COL14A1: variants seen among roughly 807,000 people sequenced by gnomAD.
COL14A1 encodes the protein collagen type XIV alpha 1 chain.
COL14A1 carries 136 observed loss-of-function variants against 230.3 expected under a neutral mutation model. The observed-to-expected ratio is 0.59, with a 90% CI of 0.51 to 0.68. The LOEUF (loss-of-function observed/expected upper bound fraction) is 0.68. Ranked by LOEUF, COL14A1 falls within the 30% of genes least tolerant of loss-of-function variation. COL14A1 has a pLI of 0.00. For synonymous variants in COL14A1, 792 were observed against 784.1 expected, an observed-to-expected ratio of 1.01 and a Z score of -0.17; for missense variants, 1,976 against 2,215.8, an observed-to-expected ratio of 0.89 and a Z score of 2.17.
chr8:120,150,615 T>C (rs1815250079), intron 2 of COL14A1, among the ~76,000 whole-genome samples: 1 of 152,124 alleles, frequency 6.6e-6, no homozygotes, highest in South Asian at 2.1e-4. Flanking sequence ...TAAAAGCCAA[T>C]AGTTCTCTCT....
At chr8:120,320,069 G>A (rs1821385648) in intron 40 of COL14A1, among the ~76,000 whole-genome samples, 2 of 151,648 alleles carry the variant, frequency 1.3e-5, no homozygotes, top group Admixed American at 1.3e-4. Flanking sequence ...CCCCACCCTA[G>A]ACATCAGGGT....
intron 19 of COL14A1, among the ~76,000 whole-genome samples, chr8:120,239,940 A>T (rs1818563916): frequency 6.6e-6 from 1 of 151,844 alleles, no homozygotes; most frequent in Admixed American, 6.6e-5. Context: ...ATTTAATATC[A>T]TGCATGCACT....
intron 18 of COL14A1, among the ~76,000 whole-genome samples, chr8:120,229,720 T>C (rs1005044077): frequency 5.3e-5 from 8 of 152,166 alleles, no homozygotes; most frequent in Non-Finnish European, 1.0e-4. Flanking sequence ...TAGTTTACAG[T>C]CCCACCAACA....
chr8:120,151,075 A>G (rs577544313), intron 2 of COL14A1, among the ~76,000 whole-genome samples: 5 of 152,236 alleles, frequency 3.3e-5, no homozygotes, highest in African/African-American at 1.2e-4. Context: ...GAAATTTTCA[A>G]GAAGGAAGAT....
At chr8:120,295,438 G>T (rs933216243) in intron 34 of COL14A1, among the ~76,000 whole-genome samples, 1 of 151,738 alleles carries the variant, frequency 6.6e-6, no homozygotes, top group Non-Finnish European at 1.5e-5. Context: ...ACCCCATAGC[G>T]GCAATCTGAA....
At chr8:120,154,555 A>G (rs577174058) in intron 2 of COL14A1, among the ~76,000 whole-genome samples, 172 of 152,188 alleles carry the variant, frequency 1.1e-3, no homozygotes, top group African/African-American at 3.7e-3. Context: ...TGATGTTTAT[A>G]TATTCACAGA....
intron 42 of COL14A1, among the ~76,000 whole-genome samples, chr8:120,334,619 C>CACACAT (rs1554625006): frequency 2.0e-5 from 3 of 150,754 alleles, no homozygotes; most frequent in Non-Finnish European, 4.4e-5. Context: ...CACACACACA[C>CACACAT]CTGTCTTCAT....
chr8:120,299,215 G>T (rs1820632181), intron 35 of COL14A1, among the ~76,000 whole-genome samples: 1 of 152,036 alleles, frequency 6.6e-6, no homozygotes, highest in African/African-American at 2.4e-5. Context: ...AACTGTATCA[G>T]TAAGACTTAC....
At chr8:120,189,329 A>C (rs1039716229) in intron 5 of COL14A1, among the ~76,000 whole-genome samples, 1 of 152,170 alleles carries the variant, frequency 6.6e-6, no homozygotes, top group Non-Finnish European at 1.5e-5. Context: ...ACAAGAAAAA[A>C]TATTGTTTTT....
At chr8:120,332,095 C>CAT in intron 40 of COL14A1, 46 bp from the exon 41 acceptor site, 1 of 1,570,972 alleles carries the variant, frequency 6.4e-7, no homozygotes, top group East Asian at 2.2e-5. Flanking sequence ...TTCTGAAAGC[C>CAT]ATATAAAGCA....
chr8:120,270,165 T>C lies in COL14A1; in HGVS notation c.3204T>C (p.Asp1068=). The change falls in exon 26 of 48, where the codon GAT becomes GAC. Residue 1068 remains aspartate (D), a synonymous_variant. Coordinates refer to ENST00000297848, the MANE Select transcript of COL14A1 (RefSeq NM_021110.4). ...GAGCCCTGAACAAGATTGGCACAGA[T>C]GGAACCCAAGTAAGGCTAATAAATA... The part of the protein sequence containing the change: ...TVGALNKIGT[D]GTQVAMVQFT... 4 of 1,610,374 alleles carry C rather than the reference T, an allele frequency of 2.5e-6. No homozygotes were observed. Among genetic ancestry groups the C allele is most frequent in the Non-Finnish European group, 3.4e-6 (4 of 1,177,832 alleles).
chr8:120,251,235 G>C (rs1192380872), intron 22 of COL14A1, among the ~76,000 whole-genome samples: 1 of 152,180 alleles, frequency 6.6e-6, no homozygotes, highest in Non-Finnish European at 1.5e-5. Flanking sequence ...GTTGGCAGGC[G>C]GGATGTCAGT....
rs961592373 is a variant in COL14A1 at position 120,312,207 on chromosome 8, C to T, written c.4456-1725C>T. ...AAAATTGCCTCCTTGCTGCCTCCAT[C>T]GTATTTTTAAAAATCCAGCTCCCTC... On this transcript the variant is annotated intron_variant, in intron 37 of 47. Transcript: ENST00000297848. Among the ~76,000 whole-genome samples the T allele has an allele frequency of 2.6e-5, 4 of 152,084 alleles. No individual in the cohort carries two copies. In the East Asian group the frequency reaches 5.8e-4, roughly 22 times the overall value.
At chr8:120,332,860 A>G (rs1803579268) in intron 42 of COL14A1, 125 bp downstream of exon 42, 1 of 681,594 alleles carries the variant, frequency 1.5e-6, no homozygotes, top group Non-Finnish European at 2.4e-6. Context: ...ATGGAAATTC[A>G]TAAAGGAAAT....
rs1177563756 is a variant in COL14A1, at chr8:120,267,201, A to G, written c.3073+318A>G. Among the ~76,000 whole-genome samples the G allele has an allele frequency of 3.9e-5, 6 of 151,982 alleles. No individual in the cohort carries two copies. In the Admixed American group the frequency reaches 3.9e-4, roughly 10 times the overall value. ...ATCCAGTTTGTAGTTCCTCAGATAC[A>G]GTAATAGTTTCCCAGCCTACCTCTG... On this transcript the variant is annotated intron_variant, in intron 25 of 47. Coordinates refer to ENST00000297848, the MANE Select transcript of COL14A1 (RefSeq NM_021110.4).
chr8:120,169,843 AAAT>A, intron 5 of COL14A1, among the ~76,000 whole-genome samples: 1 of 152,196 alleles, frequency 6.6e-6, no homozygotes, highest in South Asian at 2.1e-4. Context: ...AAATGTATAA[AAAT>A]AATGTCATAG....
Position 120,225,079 on chromosome 8 carries a change from C to G in COL14A1, c.1738-9C>G, listed in dbSNP as rs542363599. The G allele has an allele frequency of 1.9e-5, 30 of 1,606,286 alleles. No individual in the cohort carries two copies. The East Asian group carries it at 6.7e-4, about 36-fold the overall frequency. ...ATAGAGCTGTTATTATGACTTATTT[C>G]TTTGACAGGTTGAAGTCGATCCTAT... is the stretch of plus-strand genomic sequence containing the variant. On this transcript the variant is annotated splice_polypyrimidine_tract_variant and intron_variant, in intron 14 of 47. Transcript: ENST00000297848.
At chr8:120,282,517 C>G (rs1163563414) in intron 31 of COL14A1, among the ~76,000 whole-genome samples, 1 of 152,100 alleles carries the variant, frequency 6.6e-6, no homozygotes, top group Non-Finnish European at 1.5e-5. Context: ...ATATAGTTGG[C>G]ACTCAAAAAT....
In COL14A1 at chr8:120,146,629, G is replaced by A. The variant is rs547432857; in HGVS notation, c.-37-1177G>A. Among the ~76,000 whole-genome samples, 187 of 152,078 alleles carry A rather than the reference G, an allele frequency of 1.2e-3. 4 individuals carry two copies. In the South Asian group the frequency reaches 0.013, roughly 10 times the overall value. On this transcript the variant is annotated intron_variant, in intron 1 of 47. Coordinates refer to ENST00000297848, the MANE Select transcript of COL14A1 (RefSeq NM_021110.4). ...AAACAATGATTTTTTTAAAAATAGT[G>A]TTTTTCAACTATTACATAGAACATA... is the stretch of plus-strand genomic sequence containing the variant.
Sources: gnomAD v4.1 joint callset for allele counts (sites outside exome capture counted in the v4.1 genomes callset) on GRCh38, gnomAD v4.1.1 for gene constraint, MANE v1.5 for transcripts, NCBI Gene and HGNC (gene_info 2026-07-23, HGNC 2026-07-21) for gene names.